The following ADAMTS16 variants were observed in gnomAD, a reference collection of about 807,000 sequenced individuals.
ADAMTS16 encodes the protein A disintegrin and metalloproteinase with thrombospondin motifs 16.
ADAMTS16 carries 94 observed loss-of-function variants against 145.8 expected under a neutral mutation model. The ratio of observed to expected loss-of-function variants is 0.64; its 90% CI spans 0.55 to 0.77. The LOEUF is 0.77. ADAMTS16 is among the 30% of genes least tolerant of loss of function. The probability of loss-of-function intolerance (pLI) is 0.00; values close to 1 mark genes in which losing one functional copy is unlikely to be tolerated. For synonymous variants in ADAMTS16, 659 were observed against 604.3 expected (o/e 1.09, Z -1.33); for missense variants, 1,585 against 1,591.5 (o/e 1.00, Z 0.07).
chr5:5,256,410 C>T (rs1737784560), intron 17 of ADAMTS16, among the ~76,000 whole-genome samples: 1 of 152,174 alleles, frequency 6.6e-6, no homozygotes, highest in African/African-American at 2.4e-5. Flanking sequence ...CAAGGCAAAA[C>T]TTGCACCTGC....
chr5:5,231,444 T>C (rs969951806), intron 11 of ADAMTS16, among the ~76,000 whole-genome samples: 4 of 148,088 alleles, frequency 2.7e-5, no homozygotes, highest in Non-Finnish European at 4.5e-5. Context: ...TTTTTTTTTT[T>C]CTGTCAGTAC....
At chr5:5,190,950 G>A (rs953623888) in intron 7 of ADAMTS16, among the ~76,000 whole-genome samples, 1 of 148,692 alleles carries the variant, frequency 6.7e-6, no homozygotes, top group South Asian at 2.2e-4. Context: ...TGAGGTTCTG[G>A]AATTTTGGCA....
intron 3 of ADAMTS16, among the ~76,000 whole-genome samples, chr5:5,174,798 A>G (rs1735144669): frequency 6.6e-6 from 1 of 152,100 alleles, no homozygotes; most frequent in African/African-American, 2.4e-5. Flanking sequence ...ATTCTTTTTA[A>G]TTATTTCAAT....
At chr5:5,170,414 T>C (rs942666715) in intron 3 of ADAMTS16, among the ~76,000 whole-genome samples, 2 of 152,156 alleles carry the variant, frequency 1.3e-5, no homozygotes, top group Non-Finnish European at 2.9e-5. Flanking sequence ...AGTCTCACTC[T>C]GTCACCCAGG....
Position 5,209,019 on chromosome 5 carries a change from A to T in ADAMTS16, c.1452-74A>T, listed in dbSNP as rs527416911. 2.0e-6 allele frequency: 3 copies of T among 1,489,478 alleles called. No homozygotes were observed. The Admixed American group carries it at 6.4e-5, about 32-fold the overall frequency. The allele number at this position is 1,489,478 out of a possible 1,614,324, so 92.3% of individuals were successfully genotyped here. ...ATGTTGTAAAATTACATGGGGGAGA[A>T]AGGCATAATTAGTTGTAAGTCCTTT... On this transcript the variant is annotated intron_variant, in intron 9 of 22. Coordinates refer to ENST00000274181, the MANE Select transcript of ADAMTS16 (RefSeq NM_139056.4).
chr5:5,200,332 G>A, intron 9 of ADAMTS16, 63 bp downstream of exon 9: 3 of 1,594,356 alleles, frequency 1.9e-6, no homozygotes, highest in Non-Finnish European at 2.6e-6. Context: ...TGCCTGGTCA[G>A]CCAGATCCTG....
At chr5:5,281,051 T>C (rs1738886299) in intron 18 of ADAMTS16, among the ~76,000 whole-genome samples, 1 of 152,240 alleles carries the variant, frequency 6.6e-6, no homozygotes, top group South Asian at 2.1e-4. Flanking sequence ...TGCTAAATAA[T>C]GACAGTTCTT....
intron 18 of ADAMTS16, among the ~76,000 whole-genome samples, chr5:5,292,179 T>G (rs1290532178): frequency 6.6e-6 from 1 of 152,214 alleles, no homozygotes; most frequent in Non-Finnish European, 1.5e-5. Context: ...TTATTCATTC[T>G]GCAGTCGCAG....
chr5:5,140,893 G>A, intron 2 of ADAMTS16, 127 bp downstream of exon 2: 1 of 927,504 alleles, frequency 1.1e-6, no homozygotes, highest in Non-Finnish European at 1.4e-6. Context: ...ATGCTGTTGT[G>A]AACTTTTTTT....
At chr5:5,221,572 T>C (rs1001062153) in intron 10 of ADAMTS16, among the ~76,000 whole-genome samples, 1 of 152,226 alleles carries the variant, frequency 6.6e-6, no homozygotes, top group African/African-American at 2.4e-5. Flanking sequence ...GCAATTGATA[T>C]CTGAATTAAA....
chr5:5,308,171 G>A (rs902849559), intron 21 of ADAMTS16, among the ~76,000 whole-genome samples: 4 of 152,144 alleles, frequency 2.6e-5, no homozygotes, highest in Admixed American at 6.5e-5. Flanking sequence ...CGCATCCTCC[G>A]TGGTTTCCAG....
chr5:5,204,364 T>G (rs1736035226), intron 9 of ADAMTS16, among the ~76,000 whole-genome samples: 1 of 152,208 alleles, frequency 6.6e-6, no homozygotes, highest in Non-Finnish European at 1.5e-5. Flanking sequence ...TACAAAATTA[T>G]AAGAGTGCCT....
At chr5:5,242,871 C>T (rs553560401) in intron 17 of ADAMTS16, among the ~76,000 whole-genome samples, 1 of 152,272 alleles carries the variant, frequency 6.6e-6, no homozygotes, top group East Asian at 1.9e-4. Flanking sequence ...TAAATATTTG[C>T]AAGTTTAAAA....
intron 3 of ADAMTS16, among the ~76,000 whole-genome samples, chr5:5,151,609 GCA>G (rs1164833690): frequency 2.1e-5 from 3 of 140,240 alleles, no homozygotes; most frequent in Non-Finnish European, 3.1e-5. Flanking sequence ...ACACACACAC[GCA>G]CACACACACA....
intron 11 of ADAMTS16, among the ~76,000 whole-genome samples, chr5:5,230,732 CA>C (rs911307726): frequency 6.6e-6 from 1 of 152,158 alleles, no homozygotes; most frequent in African/African-American, 2.4e-5. Context: ...TGCCAGGTAA[CA>C]ACAGCAAATC....
rs1158640684 is a variant in ADAMTS16 at position 5,303,624 on chromosome 5, G to A, written c.3044G>A (p.Ser1015Asn). Residue 1015 changes from serine (S) to asparagine (N), a missense_variant, in exon 20 of 23, where the codon AGC becomes AAC. Around this residue, in one of 3 missense-constraint regions of ADAMTS16, gnomAD observed 834 missense variants for 811.7 expected, o/e 1.03. Transcript: ENST00000274181. ...GWRKRAVACKSTNPSARAQLL... is the reference protein window; with the variant it reads ...GWRKRAVACKNTNPSARAQLL... ...AGGAAGCGGGCAGTGGCCTGTAAGA[G>A]CACCAACCCCTCGGCCAGAGCGCAG... The A allele has an allele frequency of 1.2e-6, 2 of 1,614,028 alleles. No homozygotes were observed. The highest frequency in any genetic ancestry group is 1.6e-4 in the Middle Eastern group (1 of 6,080).
chr5:5,260,719 T>C (rs1416114283), intron 17 of ADAMTS16, among the ~76,000 whole-genome samples: 6 of 152,240 alleles, frequency 3.9e-5, no homozygotes, highest in African/African-American at 1.2e-4. Flanking sequence ...AAACTGATAC[T>C]GTACGGAGTG....
intron 8 of ADAMTS16, among the ~76,000 whole-genome samples, chr5:5,194,401 A>G (rs1290403204): frequency 6.6e-6 from 1 of 152,196 alleles, no homozygotes; most frequent in East Asian, 1.9e-4. Flanking sequence ...TTCACCTAGC[A>G]ATTTCACATA....
chr5:5,303,995 C>T (rs77517061), intron 20 of ADAMTS16, among the ~76,000 whole-genome samples: 2 of 152,198 alleles, frequency 1.3e-5, no homozygotes, highest in Non-Finnish European at 2.9e-5. Context: ...GTCATCATCA[C>T]TGGTCCAGCG....
Sources: allele counts gnomAD v4.1 joint callset (sites outside exome capture counted in the v4.1 genomes callset), GRCh38; gene constraint gnomAD v4.1.1; regional missense constraint gnomAD v4.1.1; transcripts MANE v1.5; gene names NCBI Gene and HGNC (gene_info 2026-07-23, HGNC 2026-07-21).